MOB3B: variants seen among roughly 807,000 people sequenced by gnomAD.
The protein encoded by MOB3B is MOB kinase activator 3B.
A neutral mutation model predicts 18.7 loss-of-function variants in MOB3B; 7 were observed. That is an observed-to-expected ratio of 0.37 (90% CI 0.21 to 0.70). MOB3B has a LOEUF of 0.70. MOB3B is among the 30% of genes least tolerant of loss of function. The probability of loss-of-function intolerance (pLI) is 0.52; values close to 1 mark genes in which losing one functional copy is unlikely to be tolerated. For synonymous variants in MOB3B, 111 were observed against 99.9 expected (o/e 1.11, Z -0.66); for missense variants, 253 against 281.3 (o/e 0.90, Z 0.72).
At chr9:27,363,416 C>A (rs534085806) in intron 2 of MOB3B, among the ~76,000 whole-genome samples, 32 of 151,844 alleles carry the variant, frequency 2.1e-4, no homozygotes, top group African/African-American at 6.0e-4. Context: ...CTACAGGCGC[C>A]CGCCGCCACG....
At chr9:27,457,770 A>G (rs1437674752) in intron 1 of MOB3B, among the ~76,000 whole-genome samples, 1 of 152,156 alleles carries the variant, frequency 6.6e-6, no homozygotes, top group Non-Finnish European at 1.5e-5. Context: ...AGCAGGTCAC[A>G]TGAAACTTTC....
intron 3 of MOB3B, among the ~76,000 whole-genome samples, chr9:27,333,638 G>A (rs978901469): frequency 1.3e-5 from 2 of 152,200 alleles, no homozygotes; most frequent in South Asian, 2.1e-4. Context: ...TGGTGACTGT[G>A]CTTGGCTTGT....
At chr9:27,472,633 C>T (rs1819489789) in intron 1 of MOB3B, among the ~76,000 whole-genome samples, 1 of 136,822 alleles carries the variant, frequency 7.3e-6, no homozygotes, top group South Asian at 2.3e-4. Context: ...AAACAGGTAT[C>T]TGGTAAAAGC....
At chr9:27,492,781 T>TCTCCAATATTTTCAGGGATAC (rs1563882222) in intron 1 of MOB3B, among the ~76,000 whole-genome samples, 1 of 151,934 alleles carries the variant, frequency 6.6e-6, no homozygotes, top group Non-Finnish European at 1.5e-5. Flanking sequence ...TTCAGGGATA[T>TCTCCAATATTTTCAGGGATAC]GTCTCCAATG....
chr9:27,412,576 GT>G (rs929303038), intron 2 of MOB3B, among the ~76,000 whole-genome samples: 2 of 151,858 alleles, frequency 1.3e-5, no homozygotes, highest in Non-Finnish European at 2.9e-5. Context: ...CCCTTTTCTT[GT>G]TTCTAAATTA....
At chr9:27,479,088 T>A (rs1819606555) in intron 1 of MOB3B, among the ~76,000 whole-genome samples, 1 of 152,158 alleles carries the variant, frequency 6.6e-6, no homozygotes, top group Non-Finnish European at 1.5e-5. Flanking sequence ...TTAACCTGTT[T>A]TACGCTGCTA....
At chr9:27,382,009 G>A (rs558677581) in intron 2 of MOB3B, among the ~76,000 whole-genome samples, 1 of 152,226 alleles carries the variant, frequency 6.6e-6, no homozygotes, top group Non-Finnish European at 1.5e-5. Context: ...CTAGCTTCGG[G>A]CCTTGGAGTC....
chr9:27,505,762 A>T (rs1820048934), intron 1 of MOB3B, among the ~76,000 whole-genome samples: 1 of 152,134 alleles, frequency 6.6e-6, no homozygotes, highest in South Asian at 2.1e-4. Flanking sequence ...ACTTTGGCAA[A>T]CCCTGAAACT....
chr9:27,379,273 T>C (rs1365063232), intron 2 of MOB3B, among the ~76,000 whole-genome samples: 2 of 152,192 alleles, frequency 1.3e-5, no homozygotes, highest in Non-Finnish European at 2.9e-5. Flanking sequence ...AGGTGACTTT[T>C]AAAGCACCCT....
intron 2 of MOB3B, among the ~76,000 whole-genome samples, chr9:27,383,422 T>C (rs1033670504): frequency 6.6e-6 from 1 of 152,194 alleles, no homozygotes; most frequent in Non-Finnish European, 1.5e-5. Flanking sequence ...AAATAACTTA[T>C]GTGGGTAGGA....
chr9:27,520,244 A>G (rs1488764344), intron 1 of MOB3B, among the ~76,000 whole-genome samples: 1 of 152,142 alleles, frequency 6.6e-6, no homozygotes, highest in East Asian at 1.9e-4. Flanking sequence ...ATTACAGTTA[A>G]TCTCATAATC....
intron 1 of MOB3B, among the ~76,000 whole-genome samples, chr9:27,477,730 T>C (rs1297826530): frequency 6.6e-6 from 1 of 152,242 alleles, no homozygotes; most frequent in Admixed American, 6.5e-5. Context: ...TTCTTCTTAA[T>C]GCAGGCCAGA....
At position 27,455,534 on chromosome 9, in the gene MOB3B, T is replaced by C; in HGVS notation, c.17A>G (p.Lys6Arg). 6.2e-7 allele frequency: 1 copy of C among 1,614,204 alleles called. No homozygotes were observed. The highest frequency in any genetic ancestry group is 8.5e-7 in the Non-Finnish European group (1 of 1,180,028). Reference protein sequence around the residue: MSIALKQVFNKDKTFR... With the variant: MSIALRQVFNKDKTFR... Reference sequence around the variant, plus strand: ...GGTCTTGTCCTTGTTGAATACCTGCTTCAGGGCTATGGACATGGTCTTCTC... The same window carrying C: ...GGTCTTGTCCTTGTTGAATACCTGCCTCAGGGCTATGGACATGGTCTTCTC... The change falls in exon 2 of 4, where the codon AAG becomes AGG. Residue 6 changes from lysine (K) to arginine (R), a missense_variant. Physicochemically the swap from Lys to Arg is conservative, Grantham distance 26 (BLOSUM62 2). Transcript: ENST00000262244.
intron 2 of MOB3B, among the ~76,000 whole-genome samples, chr9:27,431,566 G>T (rs1324271056): frequency 1.3e-5 from 2 of 152,206 alleles, no homozygotes; most frequent in African/African-American, 4.8e-5. Context: ...ATGAGGACCA[G>T]TGATGTAAAT....
In MOB3B at chr9:27,454,786, T is replaced by A. The variant is rs576337566; in HGVS notation, c.418+347A>T. Among the ~76,000 whole-genome samples the A allele has an allele frequency of 3.3e-5, 5 of 152,254 alleles. No individual in the cohort carries two copies. In the South Asian group the frequency reaches 1.0e-3, roughly 32 times the overall value. ...ATAAATACCAGTAACTGCATCAGAGTCCATGTAACTTTAGTCAGTTAACCA... is the reference window on the plus strand; with the variant it reads ...ATAAATACCAGTAACTGCATCAGAGACCATGTAACTTTAGTCAGTTAACCA... On this transcript the variant is annotated intron_variant, in intron 2 of 3. Transcript: ENST00000262244.
At chr9:27,508,758 G>T (rs527271326) in intron 1 of MOB3B, among the ~76,000 whole-genome samples, 2 of 152,264 alleles carry the variant, frequency 1.3e-5, no homozygotes, top group South Asian at 4.2e-4. Context: ...TTTGTAGACA[G>T]AGAAACAACA....
chr9:27,409,886 G>T (rs1822038103), intron 2 of MOB3B, among the ~76,000 whole-genome samples: 1 of 151,686 alleles, frequency 6.6e-6, no homozygotes, highest in African/African-American at 2.4e-5. Context: ...AATTCAGAGA[G>T]ACAGAAAGTG....
chr9:27,349,997 C>T (rs572950734), intron 3 of MOB3B, among the ~76,000 whole-genome samples: 6 of 152,274 alleles, frequency 3.9e-5, no homozygotes, highest in Non-Finnish European at 7.3e-5. Flanking sequence ...GAGAATGTCC[C>T]ACAATGATGA....
rs560527692 is a variant in MOB3B, at chr9:27,529,588, G to A, written c.-232C>T. The A allele has an allele frequency of 2.0e-6, 2 of 985,612 alleles. No individual in the cohort carries two copies. The highest frequency in any genetic ancestry group is 1.2e-6 in the Non-Finnish European group (1 of 830,188). The allele number at this position is 985,612 out of a possible 1,614,324, so 61.1% of individuals were successfully genotyped here. On this transcript the variant is annotated 5_prime_UTR_variant, in exon 1 of 4. Coordinates refer to ENST00000262244, the MANE Select transcript of MOB3B (RefSeq NM_024761.5). The stretch of plus-strand genomic sequence containing the variant: ...TTTACCTCCAGCCCAGGGCCCGGTC[G>A]GCTCCCTTCGCCGGGTCAGCTGCAG...
Sources: gnomAD v4.1 joint callset for allele counts (sites outside exome capture counted in the v4.1 genomes callset) on GRCh38, gnomAD v4.1.1 for gene constraint, MANE v1.5 for transcripts, NCBI Gene and HGNC (gene_info 2026-07-23, HGNC 2026-07-21) for gene names.